SMG6: variants seen among roughly 807,000 people sequenced by gnomAD.
SMG6 encodes the protein telomerase-binding protein EST1A.
Under a neutral mutation model 142.2 loss-of-function variants are expected in SMG6, and 66 were observed. The ratio of observed to expected loss-of-function variants is 0.46; its 90% CI spans 0.38 to 0.57. The LOEUF (loss-of-function observed/expected upper bound fraction) is 0.57, where lower values mean the gene tolerates loss of function less well. Ranked by LOEUF, SMG6 falls within the 20% of genes least tolerant of loss-of-function variation. SMG6 has a pLI of 0.00. For synonymous variants in SMG6, 779 were observed against 702.4 expected (o/e 1.11, Z -1.72); for missense variants, 1,793 against 1,832.0 (o/e 0.98, Z 0.39).
At chr17:2,087,750 C>T (rs755393930) in intron 13 of SMG6, 210 of 985,978 alleles carry the variant, frequency 2.1e-4, no homozygotes, top group Non-Finnish European at 2.5e-4. Context: ...AGAACAGAGC[C>T]GAAATGAGTA....
At chr17:2,302,933 G>A in intron 1 of SMG6, 1 of 981,132 alleles carries the variant, frequency 1.0e-6, no homozygotes, top group Non-Finnish European at 1.2e-6. Context: ...CAAACCTAGA[G>A]AAGGCACCTA....
intron 13 of SMG6, chr17:2,087,691 T>C (rs1307257057): frequency 4.0e-6 from 4 of 987,728 alleles, no homozygotes; most frequent in South Asian, 9.2e-5. Context: ...TATTCAAACA[T>C]GTGATGAGGA....
At position 2,299,098 on chromosome 17, in the gene SMG6, C is replaced by A; in HGVS notation, c.1655G>T (p.Gly552Val). 1 of 1,614,138 alleles carries A rather than the reference C, an allele frequency of 6.2e-7. No individual in the cohort carries two copies. Residue 552 changes from glycine (G) to valine (V), a missense_variant, in exon 2 of 19, where the codon GGA becomes GTA. Transcript: ENST00000263073. This position sits in a 1 kb window ranked among gnomAD's most constrained non-coding sequence, Gnocchi z 4.3. Reference protein sequence around the residue: ...PYYPGYPTPSGQYVCSPLPTS... With the variant: ...PYYPGYPTPSVQYVCSPLPTS... The stretch of plus-strand genomic sequence containing the variant: ...AGGTAGAGGGCTACACACATACTGT[C>A]CTGACGGAGTCGGGTAGCCTGGGTA...
chr17:2,090,869 G>A (rs1028620345), intron 13 of SMG6, among the ~76,000 whole-genome samples: 2 of 152,184 alleles, frequency 1.3e-5, no homozygotes, highest in African/African-American at 2.4e-5. Flanking sequence ...TGTCCTTAGA[G>A]CAAATAAGAT....
intron 9 of SMG6, among the ~76,000 whole-genome samples, chr17:2,241,547 T>A (rs2073800571): frequency 6.6e-6 from 1 of 152,198 alleles, no homozygotes; most frequent in Non-Finnish European, 1.5e-5. Flanking sequence ...TTTAAAAAAA[T>A]TATCTATTAT....
chr17:2,127,298 G>T (rs886736312), intron 13 of SMG6: 1 of 415,238 alleles, frequency 2.4e-6, no homozygotes. Context: ...ATGATGAAGA[G>T]TTCTGGAAAT....
chr17:2,122,893 C>A (rs1258874851), intron 13 of SMG6, among the ~76,000 whole-genome samples: 1 of 152,216 alleles, frequency 6.6e-6, no homozygotes, highest in Admixed American at 6.5e-5. Context: ...CACAGAGGGG[C>A]CCCTTCCTCT....
intron 10 of SMG6, among the ~76,000 whole-genome samples, chr17:2,208,596 C>T (rs1325688534): frequency 6.6e-6 from 1 of 152,230 alleles, no homozygotes; most frequent in African/African-American, 2.4e-5. Context: ...AGTCAGCATT[C>T]ACCAAGTGGC....
At chr17:2,204,729 G>A (rs747738085) in intron 10 of SMG6, among the ~76,000 whole-genome samples, 18 of 152,186 alleles carry the variant, frequency 1.2e-4, no homozygotes, top group South Asian at 2.1e-4. Flanking sequence ...TTTGGGATGC[G>A]AGGTAGGCGA....
At chr17:2,111,532 C>T (rs2069319620) in intron 13 of SMG6, among the ~76,000 whole-genome samples, 1 of 152,274 alleles carries the variant, frequency 6.6e-6, no homozygotes, top group South Asian at 2.1e-4. Context: ...CTACCTCAGC[C>T]TCCCAAGTAG....
chr17:2,302,024 G>A (rs1057466480), intron 1 of SMG6, among the ~76,000 whole-genome samples: 6 of 152,088 alleles, frequency 3.9e-5, no homozygotes, highest in East Asian at 3.9e-4. Flanking sequence ...AGGCTGAGGC[G>A]GGAGGACTGC....
intron 13 of SMG6, among the ~76,000 whole-genome samples, chr17:2,127,076 C>T (rs964174961): frequency 7.0e-6 from 1 of 143,132 alleles, no homozygotes; most frequent in Admixed American, 7.3e-5. Flanking sequence ...GAGTTCGAGG[C>T]TGCAGTGAGC....
At chr17:2,177,599 G>A (rs891510876) in intron 12 of SMG6, among the ~76,000 whole-genome samples, 7 of 152,180 alleles carry the variant, frequency 4.6e-5, no homozygotes, top group Non-Finnish European at 8.8e-5. Flanking sequence ...TGTAATACCA[G>A]CTTGTTTAAA....
chr17:2,213,668 C>T (rs889740153), intron 10 of SMG6: 10 of 152,302 alleles, frequency 6.6e-5, no homozygotes, highest in African/African-American at 2.4e-4. Context: ...TCTTGGAAAA[C>T]AAGGTTTCCT....
intron 12 of SMG6, among the ~76,000 whole-genome samples, chr17:2,186,125 G>C (rs1001976675): frequency 6.6e-6 from 1 of 152,032 alleles, no homozygotes; most frequent in African/African-American, 2.4e-5. Flanking sequence ...CTACTCAGGA[G>C]GCCGAGGCAG....
intron 13 of SMG6, among the ~76,000 whole-genome samples, chr17:2,170,787 G>A (rs2071479753): frequency 6.6e-6 from 1 of 151,922 alleles, no homozygotes; most frequent in East Asian, 1.9e-4. Context: ...TTAACCAAAG[G>A]GAATATATGC....
At chr17:2,276,533 C>T (rs772998327) in intron 8 of SMG6, among the ~76,000 whole-genome samples, 14 of 151,994 alleles carry the variant, frequency 9.2e-5, no homozygotes, top group Non-Finnish European at 1.8e-4. Context: ...TACAGGCATA[C>T]GTCATCACAC....
At position 2,300,494 on chromosome 17, in the gene SMG6, C is replaced by T. The variant is rs1329952613; in HGVS notation, c.259G>A (p.Val87Ile). ...TTAACGGGCTGTGTACCATTTTCAA[C>T]AGCAGAGCAATCTCGGTCATTAACA... ...EIVNDRDCSAVENGTQPVKDV... is the reference protein window; with the variant it reads ...EIVNDRDCSAIENGTQPVKDV... The change falls in exon 2 of 19, where the codon GTT becomes ATT. Residue 87 changes from valine (V) to isoleucine (I), a missense_variant. Coordinates refer to ENST00000263073, the MANE Select transcript of SMG6 (RefSeq NM_017575.5). 2 of 1,614,182 alleles carry T rather than the reference C, an allele frequency of 1.2e-6. No individual in the cohort carries two copies. The highest frequency in any genetic ancestry group is 4.5e-5 in the East Asian group (2 of 44,884).
At position 2,221,844 on chromosome 17, in the gene SMG6, C is replaced by T. The variant is rs1441660633; in HGVS notation, c.2869+14648G>A. Among the ~76,000 whole-genome samples, 6 of 152,050 alleles carry T rather than the reference C, an allele frequency of 3.9e-5. No individual in the cohort carries two copies. The East Asian group carries it at 1.2e-3, about 29-fold the overall frequency. The stretch of plus-strand genomic sequence containing the variant: ...CTGCAAGCTCCACCTCCCGGGTTAA[C>T]GCCAGTCTCCTGCCTCAGCCTCCCA... On this transcript the variant is annotated intron_variant, in intron 10 of 18. Coordinates refer to ENST00000263073, the MANE Select transcript of SMG6 (RefSeq NM_017575.5).
Sources: allele counts gnomAD v4.1 joint callset (sites outside exome capture counted in the v4.1 genomes callset), GRCh38; gene constraint gnomAD v4.1.1; non-coding constraint Gnocchi (gnomAD v3.1); transcripts MANE v1.5; gene names NCBI Gene and HGNC (gene_info 2026-07-23, HGNC 2026-07-21).